MPP7: variants seen among roughly 807,000 people sequenced by gnomAD.
The protein encoded by MPP7 is MAGUK p55 scaffold protein 7, also known as MAGUK p55 subfamily member 7.
A neutral mutation model predicts 76.5 loss-of-function variants in MPP7; 60 were observed. The observed-to-expected ratio is 0.78, with a 90% CI of 0.64 to 0.97. The LOEUF (loss-of-function observed/expected upper bound fraction) is 0.97, where lower values mean the gene tolerates loss of function less well. Among genes scored for constraint, MPP7 ranks in the 50% least tolerant of loss-of-function variants. The pLI is 0.00. For synonymous variants in MPP7, 237 were observed against 244.5 expected, an observed-to-expected ratio of 0.97 and a Z score of 0.29; for missense variants, 641 against 694.0, an observed-to-expected ratio of 0.92 and a Z score of 0.86.
chr10:28,331,571 T>C (rs1476660256), intron 1 of MPP7, among the ~76,000 whole-genome samples: 2 of 152,104 alleles, frequency 1.3e-5, no homozygotes, highest in Non-Finnish European at 2.9e-5. Context: ...TTTTTAAAAA[T>C]TATTAGTATT....
chr10:28,079,357 AAAAG>A (rs1210963493), intron 12 of MPP7, among the ~76,000 whole-genome samples: 1 of 152,120 alleles, frequency 6.6e-6, no homozygotes, highest in East Asian at 1.9e-4. Flanking sequence ...CACAAAAAAA[AAAAG>A]AAAGAAACAA....
intron 16 of MPP7, 89 bp from the exon 17 acceptor site, chr10:28,054,333 TA>T: frequency 1.3e-6 from 1 of 770,260 alleles, no homozygotes; most frequent in Non-Finnish European, 2.1e-6. Flanking sequence ...TTGGTTTACC[TA>T]ATGCTGTTCT....
intron 11 of MPP7, among the ~76,000 whole-genome samples, chr10:28,102,330 T>C (rs951776872): frequency 1.1e-4 from 17 of 152,092 alleles, no homozygotes; most frequent in Non-Finnish European, 2.9e-5. Context: ...TTATGCAAAC[T>C]ACATACAACT....
intron 1 of MPP7, among the ~76,000 whole-genome samples, chr10:28,298,421 T>G (rs1841080317): frequency 6.6e-6 from 1 of 152,178 alleles, no homozygotes; most frequent in African/African-American, 2.4e-5. Flanking sequence ...GGTGACCAGG[T>G]GCATTGTCAA....
At chr10:28,140,694 T>A (rs1311626486) in intron 5 of MPP7, among the ~76,000 whole-genome samples, 2 of 152,142 alleles carry the variant, frequency 1.3e-5, no homozygotes, top group Non-Finnish European at 1.5e-5. Context: ...CATTCCAACA[T>A]GCTTGAAATC....
Position 28,052,110 on chromosome 10 carries a change from C to A in MPP7, c.*1955G>T, listed in dbSNP as rs1851383374. ...CTGTCCCCAAAGTAAATAACTGAAG[C>A]AATTATCTGCAATTTTTTTAAAATG... On this transcript the variant is annotated 3_prime_UTR_variant, in exon 17 of 17. Coordinates refer to ENST00000683449, the MANE Select transcript of MPP7 (RefSeq NM_001318170.2). 6.6e-6 allele frequency: 1 copy of A among 152,064 alleles called. No homozygotes were observed. Among genetic ancestry groups the A allele is most frequent in the Admixed American group, 6.5e-5 (1 of 15,278 alleles). 9.4% of individuals were successfully genotyped at this position (152,064 alleles called of 1,614,324 possible). A position where few individuals can be genotyped will look rare whatever the true frequency, so the allele number is the denominator to read the frequency against.
At chr10:28,217,159 T>C (rs1056245661) in intron 2 of MPP7, among the ~76,000 whole-genome samples, 4 of 152,044 alleles carry the variant, frequency 2.6e-5, no homozygotes, top group South Asian at 4.1e-4. Flanking sequence ...ATTAATTATA[T>C]AGGAAAAAGC....
intron 5 of MPP7, among the ~76,000 whole-genome samples, chr10:28,144,141 G>A (rs770509256): frequency 3.9e-4 from 60 of 151,952 alleles, no homozygotes; most frequent in Non-Finnish European, 4.3e-4. Context: ...AGCCCACCTC[G>A]GCCTCCCAAA....
chr10:28,117,771 T>A (rs578169709), intron 11 of MPP7, among the ~76,000 whole-genome samples: 3 of 152,124 alleles, frequency 2.0e-5, no homozygotes, highest in Non-Finnish European at 4.4e-5. Context: ...GCTGCCTATT[T>A]GTCACAGAAA....
At chr10:28,332,531 A>C (rs1324353844) in intron 1 of MPP7, among the ~76,000 whole-genome samples, 1 of 152,230 alleles carries the variant, frequency 6.6e-6, no homozygotes, top group Non-Finnish European at 1.5e-5. Context: ...AAATAGGTAT[A>C]GTTAGAAAAC....
chr10:28,267,088 C>A (rs1840170982), intron 1 of MPP7, among the ~76,000 whole-genome samples: 1 of 152,128 alleles, frequency 6.6e-6, no homozygotes, highest in Non-Finnish European at 1.5e-5. Flanking sequence ...CAAGTTGGCC[C>A]ACCATCTGTT....
intron 2 of MPP7, among the ~76,000 whole-genome samples, chr10:28,322,586 T>C (rs1180428460): frequency 6.6e-6 from 1 of 152,146 alleles, no homozygotes; most frequent in Non-Finnish European, 1.5e-5. Context: ...CGCTGTCTCT[T>C]TCCTTTGATT....
chr10:28,296,391 A>C (rs1375204130), intron 1 of MPP7, among the ~76,000 whole-genome samples: 1 of 152,236 alleles, frequency 6.6e-6, no homozygotes, highest in Non-Finnish European at 1.5e-5. Context: ...CCCACAGTTC[A>C]GTGCAACTGA....
chr10:28,243,223 G>A (rs1839327669), intron 1 of MPP7, among the ~76,000 whole-genome samples: 1 of 151,714 alleles, frequency 6.6e-6, no homozygotes, highest in Non-Finnish European at 1.5e-5. Flanking sequence ...TGATAAAAAT[G>A]AGCTTCCAAG....
rs575605414 is a variant in MPP7, at chr10:28,183,744, C to A, written c.156+18409G>T. ...GAGGCTGCAGTGGCCTATAATCAAT[C>A]GCTCCACAGCACTCCAGGCTGGATA... On this transcript the variant is annotated intron_variant, in intron 3 of 16. Coordinates refer to ENST00000683449, the MANE Select transcript of MPP7 (RefSeq NM_001318170.2). Among the ~76,000 whole-genome samples, 3 of 152,232 alleles carry A rather than the reference C, an allele frequency of 2.0e-5. No individual in the cohort carries two copies. In the South Asian group the frequency reaches 6.2e-4, roughly 32 times the overall value.
chr10:28,305,508 T>C (rs1841248416), upstream of MPP7: 1 of 152,188 alleles, frequency 6.6e-6, no homozygotes, highest in African/African-American at 2.4e-5. Context: ...TAACAATGAA[T>C]AAGACAAGAC....
Position 28,151,441 on chromosome 10 carries a change from C to T in MPP7, c.157-1382G>A, listed in dbSNP as rs181290029. On this transcript the variant is annotated intron_variant, in intron 3 of 16. Coordinates refer to ENST00000683449, the MANE Select transcript of MPP7 (RefSeq NM_001318170.2). ...AAATTCACTTTGTTTAAATAATTAT[C>T]GAGAATTAAGACATCTCAACATATA... Among the ~76,000 whole-genome samples, 356 of 152,196 alleles carry T rather than the reference C, an allele frequency of 2.3e-3. 3 individuals are homozygous for T. Among genetic ancestry groups the T allele is most frequent in the Admixed American group, 6.9e-3 (105 of 15,290 alleles).
intron 1 of MPP7, among the ~76,000 whole-genome samples, chr10:28,253,943 CTGAGA>C (rs941714205): frequency 6.2e-5 from 8 of 129,282 alleles, no homozygotes; most frequent in African/African-American, 2.3e-4. Context: ...TTGCAGTGAG[CTGAGA>C]TTTCACCACT....
intron 11 of MPP7, among the ~76,000 whole-genome samples, chr10:28,091,431 G>A (rs1270242191): frequency 6.6e-6 from 1 of 151,938 alleles, no homozygotes; most frequent in Non-Finnish European, 1.5e-5. Flanking sequence ...GGGATTACAG[G>A]CGCATGCCAT....
Sources: gnomAD v4.1 joint callset for allele counts (sites outside exome capture counted in the v4.1 genomes callset) on GRCh38, gnomAD v4.1.1 for gene constraint, MANE v1.5 for transcripts, NCBI Gene and HGNC (gene_info 2026-07-23, HGNC 2026-07-21) for gene names.